Variants in HAUS7 observed in about 807,000 individuals in gnomAD.
HAUS7 encodes HAUS augmin like complex subunit 7.
HAUS7 carries 3 observed loss-of-function variants against 28.4 expected under a neutral mutation model. The observed-to-expected ratio is 0.11, with a 90% confidence interval of 0.05 to 0.27. HAUS7 has a LOEUF of 0.27. HAUS7 is among the 10% of genes least tolerant of loss of function. The pLI, the probability that HAUS7 is intolerant of heterozygous loss-of-function variation, is 1.00. For synonymous variants in HAUS7, 165 were observed against 132.1 expected (o/e 1.25, Z -1.71); for missense variants, 284 against 297.3 (o/e 0.96, Z 0.33).
At chrX:153,453,463 ATAAAT>A (rs782030138) in intron 9 of HAUS7, among the ~76,000 whole-genome samples, 15 of 112,103 alleles carry the variant, frequency 1.3e-4, no homozygotes, top group Admixed American at 6.6e-4. Context: ...TATTTAAAAA[ATAAAT>A]TAGAAGAGGT....
chrX:153,480,701 C>T (rs903873181), intron 1 of HAUS7: 53 of 753,503 alleles, frequency 7.0e-5, no homozygotes, highest in Non-Finnish European at 8.0e-5. Context: ...CCCAGTCCCC[C>T]TCCACTGGCT....
At chrX:153,467,510 C>A (rs1456291423) in intron 2 of HAUS7, among the ~76,000 whole-genome samples, 1 of 111,703 alleles carries the variant, frequency 9.0e-6, no homozygotes, top group African/African-American at 3.3e-5. Flanking sequence ...CTCTCCCACA[C>A]CTCAACTCCC....
intron 9 of HAUS7, among the ~76,000 whole-genome samples, chrX:153,448,330 T>A (rs1353600288): frequency 1.1e-5 from 1 of 93,553 alleles, no homozygotes; most frequent in African/African-American, 4.2e-5. Flanking sequence ...CACTCATAGG[T>A]GGGAACTGAA....
chrX:153,456,775 C>T (rs2124090358), intron 5 of HAUS7, 124 bp from the exon 6 acceptor site: 1 of 554,701 alleles, frequency 1.8e-6, no homozygotes, highest in African/African-American at 2.3e-5. Flanking sequence ...GGACAAGCCC[C>T]ACCGCGCAGA....
chrX:153,485,992 G>C, intron 1 of HAUS7: 1 of 979,593 alleles, frequency 1.0e-6, no homozygotes, highest in Non-Finnish European at 1.3e-6. Context: ...TGCGCGCCTC[G>C]CTGGCGGAGC....
At chrX:153,449,830 G>A (rs1046379239) in intron 9 of HAUS7, among the ~76,000 whole-genome samples, 3 of 112,483 alleles carry the variant, frequency 2.7e-5, no homozygotes, top group Non-Finnish European at 5.6e-5. Flanking sequence ...GCTGGGGCCT[G>A]TGTGATGCTG....
In HAUS7 at chrX:153,470,524, C is replaced by G. The variant is rs781811966; in HGVS notation, c.34G>C (p.Gly12Arg). The part of the protein sequence containing the change: ...AGQDAGCGRG[G>R]DDYSEDEGDS... Reference sequence around the variant, plus strand: ...CCCTCGTCCTCTGAGTAGTCGTCGCCGCCACGGCCGCAGCCAGCGTCCTGC... The same window carrying G: ...CCCTCGTCCTCTGAGTAGTCGTCGCGGCCACGGCCGCAGCCAGCGTCCTGC... The change falls in exon 1 of 10, where the codon GGC (glycine) becomes CGC (arginine). Residue 12 changes from glycine to arginine, a missense_variant. By Grantham distance (125) the Gly-to-Arg change is moderately radical (BLOSUM62 -2). Coordinates refer to ENST00000370211, the MANE Select transcript of HAUS7 (RefSeq NM_001385482.1). 1.0e-5 allele frequency: 12 copies of G among 1,198,178 alleles called. No individual in the cohort carries two copies. The South Asian group carries it at 2.0e-4, about 20-fold the overall frequency.
chrX:153,456,355 G>A lies in HAUS7; in HGVS notation c.615C>T (p.Ala205=). 8.3e-7 allele frequency: 1 copy of A among 1,208,881 alleles called. No homozygotes were observed. Among genetic ancestry groups the A allele is most frequent in the South Asian group, 1.8e-5 (1 of 56,948 alleles). ...TCTCCTCCTCCTCGGACTTGGCAGA[G>A]GCACTGGCCCTGCAGGGAGAGAAAG... ...KQSDDWQWAS[A]SAKSEEEEKL... Residue 205 remains alanine (A), a synonymous_variant, in exon 7 of 10, where the codon GCC becomes GCT. Transcript: ENST00000370211.
At chrX:153,470,330 A>G in intron 1 of HAUS7, 120 bp downstream of exon 1, 1 of 685,965 alleles carries the variant, frequency 1.5e-6, no homozygotes. Context: ...AACAGGGCGC[A>G]GCCGGAACCG....
Position 153,465,003 on chromosome X carries a change from C to CTGT in HAUS7, c.274_276dup (p.Thr92dup). On this transcript the variant is annotated inframe_insertion, in exon 3 of 10. Transcript: ENST00000370211. The stretch of plus-strand genomic sequence containing the variant: ...TTCCACCTACCTTGGATCTTCACCT[C>CTGT]TGTTGGGACCCCTTTCAGTGAGCTG... 1 of 1,197,209 alleles carries CTGT rather than the reference C, an allele frequency of 8.4e-7. No homozygotes were observed. The highest frequency in any genetic ancestry group is 1.1e-6 in the Non-Finnish European group (1 of 882,093).
At chrX:153,461,958 TTA>T (rs1428871419) in intron 4 of HAUS7, 1 of 440,688 alleles carries the variant, frequency 2.3e-6, no homozygotes, top group African/African-American at 2.5e-5. Context: ...CACTGACGTC[TTA>T]TGTCTCCCTA....
chrX:153,473,246 C>A (rs1276717265), upstream of HAUS7, among the ~76,000 whole-genome samples: 4 of 112,792 alleles, frequency 3.5e-5, no homozygotes, highest in African/African-American at 1.3e-4. Flanking sequence ...CCCCCCAATC[C>A]CCCAAAGACA....
upstream of HAUS7, chrX:153,470,578 C>T: frequency 8.3e-7 from 1 of 1,205,248 alleles, no homozygotes; most frequent in South Asian, 1.8e-5. Context: ...CCGAGCCGCG[C>T]CCCGCCCATG....
At chrX:153,483,425 C>T (rs1199774501) in intron 1 of HAUS7, 9 of 755,629 alleles carry the variant, frequency 1.2e-5, no homozygotes, top group South Asian at 6.7e-5. Flanking sequence ...GCTGGCACCC[C>T]GAGCCTGGAT....
upstream of HAUS7, chrX:153,470,596 T>G (rs782784063): frequency 1.7e-6 from 2 of 1,193,456 alleles, no homozygotes; most frequent in East Asian, 6.0e-5. Flanking sequence ...ATGCCCTGGC[T>G]TCACTGGCCG....
intron 1 of HAUS7, among the ~76,000 whole-genome samples, chrX:153,484,744 C>A (rs1322242772): frequency 8.8e-6 from 1 of 113,177 alleles, no homozygotes. Context: ...AAGCAGACAG[C>A]AGCCTGGGAG....
intron 1 of HAUS7, chrX:153,481,262 T>C (rs1356815000): frequency 4.4e-5 from 28 of 640,611 alleles, no homozygotes; most frequent in Non-Finnish European, 5.2e-5. Flanking sequence ...CCAGGCTGGC[T>C]GAGTCACTGG....
chrX:153,493,052 T>C (rs1009160071), intron 1 of HAUS7, among the ~76,000 whole-genome samples: 7 of 112,173 alleles, frequency 6.2e-5, no homozygotes, highest in African/African-American at 2.3e-4. Context: ...TACCACACGA[T>C]TTGCGCATTG....
intron 1 of HAUS7, among the ~76,000 whole-genome samples, chrX:153,475,897 G>A (rs1271638277): frequency 3.6e-5 from 4 of 111,742 alleles, no homozygotes; most frequent in Non-Finnish European, 7.5e-5. Flanking sequence ...GACCCCACCC[G>A]CTCCTCCTCG....
Sources: gnomAD v4.1 joint callset for allele counts (sites outside exome capture counted in the v4.1 genomes callset) on GRCh38, gnomAD v4.1.1 for gene constraint, MANE v1.5 for transcripts, NCBI Gene and HGNC (gene_info 2026-07-23, HGNC 2026-07-21) for gene names.